LAMA2: variants seen among roughly 807,000 people sequenced by gnomAD.
LAMA2 encodes the protein laminin subunit alpha-2.
Under a neutral mutation model 364.8 loss-of-function variants are expected in LAMA2, and 269 were observed. That is an observed-to-expected ratio of 0.74 (90% CI 0.67 to 0.82). The LOEUF is 0.82. LAMA2 is among the 40% of genes least tolerant of loss of function. The probability of loss-of-function intolerance (pLI) is 0.00; values close to 1 mark genes in which losing one functional copy is unlikely to be tolerated. For synonymous variants in LAMA2, 1,379 were observed against 1,370.6 expected (o/e 1.01, Z -0.14); for missense variants, 3,807 against 3,873.2 (o/e 0.98, Z 0.45).
chr6:129,196,272 T>C (rs188897277), intron 12 of LAMA2, among the ~76,000 whole-genome samples: 1 of 152,326 alleles, frequency 6.6e-6, no homozygotes, highest in East Asian at 1.9e-4. Flanking sequence ...TGTTTTGTTG[T>C]TCTTGCTTGA....
intron 1 of LAMA2, among the ~76,000 whole-genome samples, chr6:128,896,113 G>A (rs1776755412): frequency 6.6e-6 from 1 of 152,142 alleles, no homozygotes. Context: ...GTCTGAACAT[G>A]AGTGGTAGTA....
chr6:128,964,838 A>G (rs1382845935), intron 1 of LAMA2, among the ~76,000 whole-genome samples: 2 of 152,008 alleles, frequency 1.3e-5, no homozygotes, highest in African/African-American at 4.8e-5. Flanking sequence ...GAAATTGAAT[A>G]TATGTCAGGT....
chr6:129,184,195 T>C (rs1781097472), intron 10 of LAMA2, among the ~76,000 whole-genome samples: 1 of 151,992 alleles, frequency 6.6e-6, no homozygotes, highest in Non-Finnish European at 1.5e-5. Flanking sequence ...GATTTCCCTC[T>C]TCTTTTTCAT....
chr6:128,989,568 G>A (rs771589900), intron 1 of LAMA2, among the ~76,000 whole-genome samples: 6 of 152,064 alleles, frequency 3.9e-5, no homozygotes, highest in South Asian at 2.1e-4. Context: ...GCCTTGCACC[G>A]CTGTCCTAAG....
intron 4 of LAMA2, among the ~76,000 whole-genome samples, chr6:129,136,803 A>G (rs887959467): frequency 3.3e-5 from 5 of 152,200 alleles, no homozygotes; most frequent in Non-Finnish European, 7.4e-5. Context: ...GAAAAGAAGA[A>G]TGGCAATTTA....
intron 41 of LAMA2, among the ~76,000 whole-genome samples, chr6:129,433,755 A>G (rs1365172181): frequency 6.6e-6 from 1 of 152,158 alleles, no homozygotes; most frequent in Non-Finnish European, 1.5e-5. Context: ...TAGGTTCTGG[A>G]CCAAGTAATT....
chr6:128,991,626 C>G (rs757751908), intron 1 of LAMA2, among the ~76,000 whole-genome samples: 17 of 152,124 alleles, frequency 1.1e-4, no homozygotes, highest in Non-Finnish European at 2.1e-4. Context: ...GTACGAAATT[C>G]TGTAATAGTG....
chr6:129,088,719 G>A lies in LAMA2; in HGVS notation c.397-9454G>A, dbSNP rs183371582. 2.0e-3 allele frequency among the ~76,000 whole-genome samples: 302 copies of A among 151,922 alleles called. 1 individual carries two copies. Among genetic ancestry groups the A allele is most frequent in the South Asian group, 4.2e-3 (20 of 4,790 alleles). ...GGGTTCCTCACTTCTCAGATGGGGC[G>A]GCTGCCGGGCAGAGGGGCTCCTCAC... On this transcript the variant is annotated intron_variant, in intron 3 of 64. Transcript: ENST00000421865.
intron 35 of LAMA2, among the ~76,000 whole-genome samples, chr6:129,387,351 T>G (rs544577459): frequency 1.3e-5 from 2 of 152,160 alleles, no homozygotes; most frequent in Admixed American, 6.5e-5. Flanking sequence ...AAAACCACAA[T>G]GAGATAACAT....
intron 1 of LAMA2, among the ~76,000 whole-genome samples, chr6:129,032,655 A>G (rs1786320131): frequency 6.6e-6 from 1 of 152,208 alleles, no homozygotes; most frequent in Non-Finnish European, 1.5e-5. Flanking sequence ...CATTATGTAA[A>G]AAAAGGGCTA....
intron 4 of LAMA2, among the ~76,000 whole-genome samples, chr6:129,125,458 T>C (rs146317231): frequency 6.6e-6 from 1 of 152,202 alleles, no homozygotes; most frequent in Non-Finnish European, 1.5e-5. Flanking sequence ...ACATCTACCT[T>C]TAGAGGTCAG....
chr6:129,443,024 A>G lies in LAMA2; in HGVS notation c.6269-39A>G, dbSNP rs779624926. On this transcript the variant is annotated intron_variant, in intron 43 of 64. Transcript: ENST00000421865. Reference sequence around the variant, plus strand: ...GAAAATACTTCCTCATGAATTTATAATTTTTTTTTGTTTTGCTTCCATGTG... The same window carrying G: ...GAAAATACTTCCTCATGAATTTATAGTTTTTTTTTGTTTTGCTTCCATGTG... The G allele has an allele frequency of 5.4e-6, 8 of 1,492,300 alleles. No individual in the cohort carries two copies. The Admixed American group carries it at 6.9e-5, about 13-fold the overall frequency. The allele number at this position is 1,492,300 out of a possible 1,614,324, so 92.4% of individuals were successfully genotyped here.
At chr6:129,496,627 T>G (rs1391136690) in intron 58 of LAMA2, among the ~76,000 whole-genome samples, 3 of 152,230 alleles carry the variant, frequency 2.0e-5, no homozygotes, top group Admixed American at 1.3e-4. Flanking sequence ...TATGTTCTTT[T>G]TGTGTGTGTA....
At chr6:129,323,580 C>G (rs1775094680) in intron 28 of LAMA2, among the ~76,000 whole-genome samples, 1 of 152,064 alleles carries the variant, frequency 6.6e-6, no homozygotes, top group South Asian at 2.1e-4. Flanking sequence ...CATTTCCTCA[C>G]CAGATTTCTT....
chr6:128,885,502 G>T (rs1414589132), intron 1 of LAMA2, among the ~76,000 whole-genome samples: 1 of 152,102 alleles, frequency 6.6e-6, no homozygotes, highest in African/African-American at 2.4e-5. Flanking sequence ...TCCATTAATT[G>T]TTTAGGCCAT....
At position 129,462,766 on chromosome 6, in the gene LAMA2, A is replaced by G. The variant is rs189301716; in HGVS notation, c.6993-1524A>G. On this transcript the variant is annotated intron_variant, in intron 49 of 64. Transcript: ENST00000421865. ...TGTTTGTTTGTTTGTTTGTTTGTTTATTTGTTGCTTTCAGGAAAACACTTA... is the reference window on the plus strand; with the variant it reads ...TGTTTGTTTGTTTGTTTGTTTGTTTGTTTGTTGCTTTCAGGAAAACACTTA... Among the ~76,000 whole-genome samples the G allele has an allele frequency of 2.3e-3, 356 of 151,806 alleles. 2 individuals are homozygous for G. The highest frequency in any genetic ancestry group is 6.8e-3 in the Middle Eastern group (2 of 294).
intron 29 of LAMA2, among the ~76,000 whole-genome samples, chr6:129,337,299 G>T (rs2114555878): frequency 6.6e-6 from 1 of 152,314 alleles, no homozygotes; most frequent in East Asian, 1.9e-4. Context: ...ATATTTGCAA[G>T]TCACAGCTAG....
intron 32 of LAMA2, among the ~76,000 whole-genome samples, chr6:129,360,249 A>G (rs1189281694): frequency 6.6e-6 from 1 of 152,188 alleles, no homozygotes; most frequent in African/African-American, 2.4e-5. Context: ...ACAGAATGTG[A>G]ATATTCCATG....
At chr6:129,302,565 C>A (rs1773613570) in intron 22 of LAMA2, among the ~76,000 whole-genome samples, 1 of 151,984 alleles carries the variant, frequency 6.6e-6, no homozygotes, top group African/African-American at 2.4e-5. Flanking sequence ...CCAAAGATTT[C>A]TCTCCCATGT....
Sources: gnomAD v4.1 joint callset for allele counts (sites outside exome capture counted in the v4.1 genomes callset) on GRCh38, gnomAD v4.1.1 for gene constraint, MANE v1.5 for transcripts, NCBI Gene and HGNC (gene_info 2026-07-23, HGNC 2026-07-21) for gene names.